Variants in SNX29 observed in about 807,000 individuals in gnomAD.
The protein encoded by SNX29 is sorting nexin 29.
Under a neutral mutation model 102.1 loss-of-function variants are expected in SNX29, and 78 were observed. That is an observed-to-expected ratio of 0.76 (90% CI 0.64 to 0.92). SNX29 has a LOEUF of 0.92. Among genes scored for constraint, SNX29 ranks in the 40% least tolerant of loss-of-function variants. The pLI is 0.00. For synonymous variants in SNX29, 580 were observed against 414.5 expected, an observed-to-expected ratio of 1.40 and a Z score of -4.85; for missense variants, 1,280 against 1,061.7, an observed-to-expected ratio of 1.21 and a Z score of -2.86.
intron 18 of SNX29, among the ~76,000 whole-genome samples, chr16:12,429,302 C>G (rs1404064153): frequency 6.6e-6 from 1 of 152,186 alleles, no homozygotes; most frequent in East Asian, 1.9e-4. Context: ...AAATTAATAT[C>G]TCCTTGTAGT....
chr16:12,082,233 C>T (rs909936430), intron 11 of SNX29, among the ~76,000 whole-genome samples: 11 of 152,178 alleles, frequency 7.2e-5, no homozygotes, highest in African/African-American at 1.9e-4. Context: ...ACAGCAGCCC[C>T]GAGATCATGC....
intron 15 of SNX29, among the ~76,000 whole-genome samples, chr16:12,333,340 C>T (rs866458301): frequency 6.6e-5 from 10 of 151,902 alleles, no homozygotes; most frequent in Middle Eastern, 3.4e-3. Flanking sequence ...CTCCTGACCT[C>T]GTGATCTGCC....
chr16:12,307,061 C>A (rs748324207), intron 15 of SNX29, among the ~76,000 whole-genome samples: 1 of 151,684 alleles, frequency 6.6e-6, no homozygotes, highest in Non-Finnish European at 1.5e-5. Context: ...TGAATTGGGC[C>A]CCTCTCCTCT....
intron 20 of SNX29, among the ~76,000 whole-genome samples, chr16:12,538,079 G>A (rs923804732): frequency 3.3e-5 from 5 of 150,676 alleles, no homozygotes; most frequent in South Asian, 2.2e-4. Context: ...TTTCTTCTCA[G>A]TGGGCTAAGC....
At chr16:12,496,635 A>G (rs1020079356) in intron 19 of SNX29, among the ~76,000 whole-genome samples, 1 of 150,374 alleles carries the variant, frequency 6.7e-6, no homozygotes, top group African/African-American at 2.5e-5. Flanking sequence ...GTCAGCCTCC[A>G]GAGTTGCTAG....
In SNX29 at chr16:12,176,048, C is replaced by T. The variant is rs79813481; in HGVS notation, c.1596-23553C>T. ...ACAAAACAAAGAAGAAAAATGATAT[C>T]AGGGGACACACTGGCAGAGAGAAGA... On this transcript the variant is annotated intron_variant, in intron 13 of 20. Transcript: ENST00000566228. 2.6e-5 allele frequency among the ~76,000 whole-genome samples: 4 copies of T among 152,098 alleles called. No homozygotes were observed. The East Asian group carries it at 5.8e-4, about 22-fold the overall frequency.
intron 16 of SNX29, among the ~76,000 whole-genome samples, chr16:12,362,936 GTGAA>G (rs1192220790): frequency 1.3e-5 from 2 of 152,184 alleles, no homozygotes; most frequent in African/African-American, 4.8e-5. Context: ...AACTCATTGA[GTGAA>G]TGAATGAATG....
chr16:11,995,323 C>A (rs2056023654), intron 1 of SNX29, among the ~76,000 whole-genome samples: 1 of 152,098 alleles, frequency 6.6e-6, no homozygotes, highest in Admixed American at 6.5e-5. Context: ...GCTTTGGCCC[C>A]CCAAAGTTGC....
intron 18 of SNX29, among the ~76,000 whole-genome samples, chr16:12,429,473 T>G (rs2085224346): frequency 6.6e-6 from 1 of 152,166 alleles, no homozygotes; most frequent in Non-Finnish European, 1.5e-5. Context: ...CAGACTGGAG[T>G]GCAATGACAA....
intron 14 of SNX29, among the ~76,000 whole-genome samples, chr16:12,269,797 A>G (rs1441645338): frequency 1.3e-5 from 2 of 151,882 alleles, no homozygotes; most frequent in Admixed American, 1.3e-4. Context: ...TTAAATTGTC[A>G]TTCTTTCCAT....
intron 20 of SNX29, among the ~76,000 whole-genome samples, chr16:12,566,668 A>G (rs1248396417): frequency 2.7e-5 from 4 of 147,908 alleles, no homozygotes; most frequent in African/African-American, 7.6e-5. Context: ...TCTAAGGAGC[A>G]TTCAGGGATA....
chr16:12,501,842 C>G (rs934926344), intron 19 of SNX29, among the ~76,000 whole-genome samples: 3 of 146,734 alleles, frequency 2.0e-5, no homozygotes, highest in African/African-American at 5.0e-5. Flanking sequence ...ACTTATTAAA[C>G]AAATAACCTG....
At chr16:12,249,035 AATACTTTTG>A (rs200950467) in intron 14 of SNX29, among the ~76,000 whole-genome samples, 2,114 of 152,228 alleles carry the variant, frequency 0.014, 31 homozygotes, top group South Asian at 0.054. Context: ...GTTTTCTTTA[AATACTTTTG>A]CTTAACAAAC....
intron 18 of SNX29, among the ~76,000 whole-genome samples, chr16:12,476,244 C>T (rs1242013315): frequency 7.0e-6 from 1 of 143,360 alleles, no homozygotes; most frequent in Non-Finnish European, 1.5e-5. Context: ...ATCGCTTGAA[C>T]TTGGAGGTGG....
intron 19 of SNX29, 136 bp downstream of exon 19, chr16:12,477,995 A>G: frequency 9.7e-7 from 1 of 1,031,926 alleles, no homozygotes; most frequent in Non-Finnish European, 1.4e-6. Flanking sequence ...AAAATAGAGA[A>G]AAGAAATAGC....
At chr16:12,115,522 T>TGC (rs1337034805) in intron 11 of SNX29, among the ~76,000 whole-genome samples, 1 of 149,846 alleles carries the variant, frequency 6.7e-6, no homozygotes, top group South Asian at 2.1e-4. Context: ...TGTGTGTGTG[T>TGC]GGTGCTGGGT....
chr16:12,547,191 G>A (rs1486107153), intron 20 of SNX29, among the ~76,000 whole-genome samples: 3 of 152,218 alleles, frequency 2.0e-5, no homozygotes, highest in African/African-American at 4.8e-5. Flanking sequence ...AGATGACAGG[G>A]ATAGTTTGAC....
chr16:12,176,625 G>A (rs2076266881), intron 13 of SNX29, among the ~76,000 whole-genome samples: 1 of 152,128 alleles, frequency 6.6e-6, no homozygotes, highest in Non-Finnish European at 1.5e-5. Flanking sequence ...GTCTACCGGG[G>A]GATGTGTTTA....
chr16:12,351,411 AGTAT>A (rs1213878294), intron 15 of SNX29, among the ~76,000 whole-genome samples: 2 of 152,128 alleles, frequency 1.3e-5, no homozygotes, highest in African/African-American at 4.8e-5. Flanking sequence ...GAGAGTTTTG[AGTAT>A]GTGACCCCCA....
Sources: gnomAD v4.1 joint callset for allele counts (sites outside exome capture counted in the v4.1 genomes callset) on GRCh38, gnomAD v4.1.1 for gene constraint, MANE v1.5 for transcripts, NCBI Gene and HGNC (gene_info 2026-07-23, HGNC 2026-07-21) for gene names.